Variants in IREB2 observed in about 807,000 individuals in gnomAD.
The protein encoded by IREB2 is iron-responsive element-binding protein 2.
IREB2 carries 39 observed loss-of-function variants against 118.8 expected under a neutral mutation model. That is an observed-to-expected ratio of 0.33 (90% CI 0.25 to 0.43). The LOEUF (loss-of-function observed/expected upper bound fraction) is 0.43. Among genes scored for constraint, IREB2 ranks in the 20% least tolerant of loss-of-function variants. IREB2 has a pLI of 1.00. For synonymous variants in IREB2, 372 were observed against 392.2 expected (o/e 0.95, Z 0.61); for missense variants, 900 against 1,147.3 (o/e 0.78, Z 3.11).
intron 9 of IREB2, among the ~76,000 whole-genome samples, chr15:78,477,438 G>A (rs1157609087): frequency 6.6e-6 from 1 of 152,198 alleles, no homozygotes; most frequent in African/African-American, 2.4e-5. Flanking sequence ...ATTATGAGCT[G>A]TCAGCTGAGG....
rs750275860 is a variant in IREB2, at chr15:78,471,808, A to T, written c.767A>T (p.Asn256Ile). The T allele has an allele frequency of 6.2e-7, 1 of 1,613,516 alleles. No individual in the cohort carries two copies. Among genetic ancestry groups the T allele is most frequent in the South Asian group, 1.1e-5 (1 of 91,010 alleles). The change falls in exon 7 of 22, where the codon AAC (asparagine) becomes ATC (isoleucine). Residue 256 changes from asparagine (N) to isoleucine (I), a missense_variant. Physicochemically the swap from Asn to Ile is moderately radical, Grantham distance 149. Transcript: ENST00000258886. Reference sequence around the variant, plus strand: ...GGAACTGGAATGGCTCATCAAATAAACTTAGAATATTTGTCAAGAGTGGTT... The same window carrying T: ...GGAACTGGAATGGCTCATCAAATAATCTTAGAATATTTGTCAAGAGTGGTT... ...PPGTGMAHQI[N>I]LEYLSRVVFE...
chr15:78,471,570 A>T (rs1804505933), intron 6 of IREB2, among the ~76,000 whole-genome samples, 171 bp from the exon 7 acceptor site: 1 of 152,348 alleles, frequency 6.6e-6, no homozygotes, highest in East Asian at 1.9e-4. Flanking sequence ...CTTAATAAAA[A>T]ATACATTTAG....
At chr15:78,467,605 C>T (rs1023396476) in intron 5 of IREB2, among the ~76,000 whole-genome samples, 7 of 151,812 alleles carry the variant, frequency 4.6e-5, no homozygotes, top group African/African-American at 1.5e-4. Flanking sequence ...GCATGAGAAT[C>T]GCTTGTACCA....
At chr15:78,476,415 A>G in intron 9 of IREB2, 56 bp downstream of exon 9, 1 of 1,222,644 alleles carries the variant, frequency 8.2e-7, no homozygotes, top group Non-Finnish European at 1.1e-6. Context: ...TGTGTTTGAT[A>G]ATATTTTATA....
At chr15:78,481,980 G>A (rs913226839) in intron 10 of IREB2, among the ~76,000 whole-genome samples, 8 of 152,168 alleles carry the variant, frequency 5.3e-5, no homozygotes, top group Non-Finnish European at 1.0e-4. Flanking sequence ...GGTTATTCTT[G>A]CGTGTAATCC....
upstream of IREB2, chr15:78,437,582 G>GT (rs1198498000): frequency 6.5e-6 from 1 of 152,820 alleles, no homozygotes; most frequent in African/African-American, 2.4e-5. Context: ...ACTCTTTCTG[G>GT]TAAGTTGCTG....
intron 1 of IREB2, 148 bp from the exon 2 acceptor site, chr15:78,439,647 T>C: frequency 1.8e-6 from 1 of 558,232 alleles, no homozygotes; most frequent in Non-Finnish European, 3.1e-6. Context: ...AGCCACACGT[T>C]GCTAATGGCT....
At chr15:78,489,983 T>C (rs1201421675) in intron 16 of IREB2, among the ~76,000 whole-genome samples, 1 of 152,238 alleles carries the variant, frequency 6.6e-6, no homozygotes, top group Non-Finnish European at 1.5e-5. Flanking sequence ...TCTTTAACTT[T>C]TTTGGACTCT....
At chr15:78,438,479 G>T in intron 1 of IREB2, 123 bp downstream of exon 1, 1 of 1,154,690 alleles carries the variant, frequency 8.7e-7, no homozygotes. Context: ...GGCTCGGGTT[G>T]TGCTCCCCTC....
intron 2 of IREB2, among the ~76,000 whole-genome samples, chr15:78,441,449 T>G: frequency 6.6e-6 from 1 of 152,220 alleles, no homozygotes; most frequent in African/African-American, 2.4e-5. Flanking sequence ...TATTTCCCAT[T>G]TACTTCTCCA....
intron 5 of IREB2, among the ~76,000 whole-genome samples, chr15:78,470,187 A>T (rs1308489327): frequency 6.6e-6 from 1 of 152,212 alleles, no homozygotes; most frequent in African/African-American, 2.4e-5. Context: ...TGGGGAGGAA[A>T]GTACATGCTT....
chr15:78,461,646 T>G (rs1646890511), intron 2 of IREB2, among the ~76,000 whole-genome samples: 1 of 152,146 alleles, frequency 6.6e-6, no homozygotes, highest in African/African-American at 2.4e-5. Context: ...CACAGAAGTC[T>G]TCTCTCTGCA....
In IREB2 at chr15:78,471,994, A is replaced by G. The variant is rs186603680; in HGVS notation, c.883+70A>G. 694 of 1,242,202 alleles carry G rather than the reference A, an allele frequency of 5.6e-4. 5 individuals carry two copies. Among genetic ancestry groups the G allele is most frequent in the Middle Eastern group, 5.6e-3 (28 of 5,024 alleles). The allele number at this position is 1,242,202 out of a possible 1,614,324, so 76.9% of individuals were successfully genotyped here. A position where few individuals can be genotyped will look rare whatever the true frequency, so the allele number is the denominator to read the frequency against. ...TGTCAAGAACATTGTAAAAGAACATAAATTATTGAGTTTGTATAGCCTCTT... is the reference window on the plus strand; with the variant it reads ...TGTCAAGAACATTGTAAAAGAACATGAATTATTGAGTTTGTATAGCCTCTT... On this transcript the variant is annotated intron_variant, in intron 7 of 21. Coordinates refer to ENST00000258886, the MANE Select transcript of IREB2 (RefSeq NM_004136.4).
rs1364579606 is a variant in IREB2, at chr15:78,498,392, AT to A, written c.*250del. 1.7e-5 allele frequency: 2 copies of A among 120,270 alleles called. No individual in the cohort carries two copies. The highest frequency in any genetic ancestry group is 1.5e-4 in the East Asian group (1 of 6,766). The allele number at this position is 120,270 out of a possible 1,614,324, so 7.5% of individuals were successfully genotyped here. A position where few individuals can be genotyped will look rare whatever the true frequency, so the allele number is the denominator to read the frequency against. On this transcript the variant is annotated 3_prime_UTR_variant, in exon 22 of 22. Coordinates refer to ENST00000258886, the MANE Select transcript of IREB2 (RefSeq NM_004136.4). Reference sequence around the variant, plus strand: ...TGTGTTGTGGAAGAGACCTGTAAGTATGGGGGGGGGGCGATATTTTATCAGA... The same window carrying A: ...TGTGTTGTGGAAGAGACCTGTAAGTAGGGGGGGGGGCGATATTTTATCAGA...
chr15:78,488,603 G>T (rs756997925), intron 15 of IREB2, 44 bp from the exon 16 acceptor site: 31 of 1,555,664 alleles, frequency 2.0e-5, no homozygotes, highest in Non-Finnish European at 2.7e-5. Context: ...AACATTTTCA[G>T]AGTTATTTTT....
At chr15:78,438,691 C>T (rs968900211) in intron 1 of IREB2, 1 of 422,164 alleles carries the variant, frequency 2.4e-6, no homozygotes. Flanking sequence ...AGAGGCCCAC[C>T]GTCTTCTCCT....
At chr15:78,473,640 T>C (rs1176186701) in intron 8 of IREB2, 1 of 373,976 alleles carries the variant, frequency 2.7e-6, no homozygotes, top group African/African-American at 2.1e-5. Flanking sequence ...ATACTATTAC[T>C]ATTCTCATTG....
intron 9 of IREB2, 144 bp from the exon 10 acceptor site, chr15:78,478,153 G>T: frequency 3.7e-6 from 2 of 547,760 alleles, no homozygotes; most frequent in African/African-American, 1.9e-5. Context: ...AGGATTGCTT[G>T]AGCTCGGGAG....
chr15:78,443,900 C>T lies in IREB2; in HGVS notation c.106+4019C>T, dbSNP rs988073633. On this transcript the variant is annotated intron_variant, in intron 2 of 21. Transcript: ENST00000258886. Reference sequence around the variant, plus strand: ...ACCTCAAGCAGTCCTCCTGCCTTGGCCTCCCAAAGTGCTGGGATTATAGGC... The same window carrying T: ...ACCTCAAGCAGTCCTCCTGCCTTGGTCTCCCAAAGTGCTGGGATTATAGGC... 1.3e-5 allele frequency among the ~76,000 whole-genome samples: 2 copies of T among 152,072 alleles called. 1 individual carries two copies. Among genetic ancestry groups the T allele is most frequent in the Non-Finnish European group, 2.9e-5 (2 of 68,012 alleles).
Sources: gnomAD v4.1 joint callset for allele counts (sites outside exome capture counted in the v4.1 genomes callset) on GRCh38, gnomAD v4.1.1 for gene constraint, MANE v1.5 for transcripts, NCBI Gene and HGNC (gene_info 2026-07-23, HGNC 2026-07-21) for gene names.